Variants in STAT5B observed in about 807,000 individuals in gnomAD.
STAT5B encodes the protein signal transducer and activator of transcription 5B.
STAT5B carries 21 observed loss-of-function variants against 107.8 expected under a neutral mutation model. The observed-to-expected ratio is 0.19, with a 90% CI of 0.14 to 0.28. The LOEUF (loss-of-function observed/expected upper bound fraction) is 0.28. STAT5B is among the 10% of genes least tolerant of loss of function. The pLI is 1.00. For synonymous variants in STAT5B, 325 were observed against 401.7 expected (o/e 0.81, Z 2.28); for missense variants, 565 against 1,008.2 (o/e 0.56, Z 5.95).
intron 16 of STAT5B, among the ~76,000 whole-genome samples, chr17:42,205,650 C>T (rs2080078818): frequency 6.6e-6 from 1 of 152,324 alleles, no homozygotes; most frequent in South Asian, 2.1e-4. Flanking sequence ...TGGCTCATGC[C>T]TATAATCCCA....
intron 1 of STAT5B, among the ~76,000 whole-genome samples, chr17:42,275,926 T>C (rs1423569252): frequency 6.6e-6 from 1 of 151,988 alleles, no homozygotes; most frequent in Non-Finnish European, 1.5e-5. Flanking sequence ...CCTGAGCTCC[T>C]ATGGGGTCGG....
intron 16 of STAT5B, among the ~76,000 whole-genome samples, chr17:42,206,023 C>T (rs1440422326): frequency 3.9e-5 from 6 of 152,154 alleles, no homozygotes; most frequent in Non-Finnish European, 7.3e-5. Flanking sequence ...CTCTACCTTG[C>T]TTTATTTGTC....
intron 3 of STAT5B, among the ~76,000 whole-genome samples, chr17:42,226,458 T>C (rs905222887): frequency 6.6e-5 from 10 of 152,196 alleles, no homozygotes; most frequent in Middle Eastern, 6.8e-3. Context: ...CAATGCTAAA[T>C]TTAGTGAAGT....
intron 16 of STAT5B, among the ~76,000 whole-genome samples, chr17:42,204,889 C>T (rs1423568092): frequency 6.6e-6 from 1 of 152,164 alleles, no homozygotes; most frequent in Non-Finnish European, 1.5e-5. Context: ...GCTGGAATTA[C>T]AGGCATGAGC....
chr17:42,260,399 G>A (rs1373784592), intron 1 of STAT5B, among the ~76,000 whole-genome samples: 1 of 152,048 alleles, frequency 6.6e-6, no homozygotes, highest in Non-Finnish European at 1.5e-5. Flanking sequence ...GTGTTTTTGT[G>A]GGCTTTTGGG....
upstream of STAT5B, among the ~76,000 whole-genome samples, chr17:42,280,420 G>C (rs1194448443): frequency 6.6e-6 from 1 of 152,108 alleles, no homozygotes. Context: ...CAGAGATCAT[G>C]AGGCCATTTT....
chr17:42,249,384 CTCTA>C (rs1230836594), intron 1 of STAT5B, among the ~76,000 whole-genome samples: 39 of 151,244 alleles, frequency 2.6e-4, no homozygotes, highest in African/African-American at 9.1e-4. Context: ...CAGAGTGAGA[CTCTA>C]TCTCAAAAAA....
chr17:42,280,052 G>A (rs894983105), upstream of STAT5B, among the ~76,000 whole-genome samples: 4 of 152,002 alleles, frequency 2.6e-5, no homozygotes, highest in Admixed American at 1.3e-4. Context: ...TCTTCTTCTA[G>A]GCCTCGGGGA....
chr17:42,268,660 G>C (rs997824636), intron 1 of STAT5B: 4 of 152,076 alleles, frequency 2.6e-5, no homozygotes, highest in African/African-American at 9.7e-5. Flanking sequence ...TGAGATAGGA[G>C]TCCCACCTTC....
At chr17:42,256,971 A>C (rs1326776230) in intron 1 of STAT5B, among the ~76,000 whole-genome samples, 2 of 151,234 alleles carry the variant, frequency 1.3e-5, no homozygotes, top group Non-Finnish European at 2.9e-5. Context: ...TATCATAATT[A>C]TATATGCATA....
At chr17:42,256,943 A>T (rs1180748534) in intron 1 of STAT5B, among the ~76,000 whole-genome samples, 1 of 150,852 alleles carries the variant, frequency 6.6e-6, no homozygotes, top group African/African-American at 2.4e-5. Flanking sequence ...TACTGTGCCT[A>T]ATTTATAAAT....
At chr17:42,264,226 C>T (rs2080646616) in intron 1 of STAT5B, among the ~76,000 whole-genome samples, 1 of 151,188 alleles carries the variant, frequency 6.6e-6, no homozygotes, top group Non-Finnish European at 1.5e-5. Flanking sequence ...TATTATTATA[C>T]TTTAAGTTTT....
At chr17:42,265,349 A>G (rs2080658833) in intron 1 of STAT5B, among the ~76,000 whole-genome samples, 1 of 145,088 alleles carries the variant, frequency 6.9e-6, no homozygotes, top group East Asian at 2.0e-4. Context: ...TCTAAATGAA[A>G]CTGCTAAGTC....
chr17:42,264,478 A>T (rs1458675533), intron 1 of STAT5B, among the ~76,000 whole-genome samples: 1 of 150,836 alleles, frequency 6.6e-6, no homozygotes, highest in Non-Finnish European at 1.5e-5. Flanking sequence ...TGTTCTTGCG[A>T]TAGTTTACTG....
chr17:42,251,817 G>A (rs920515855), intron 1 of STAT5B, among the ~76,000 whole-genome samples: 1 of 151,830 alleles, frequency 6.6e-6, no homozygotes, highest in Non-Finnish European at 1.5e-5. Flanking sequence ...GGCCAGCATG[G>A]TGAAACCCCG....
At chr17:42,260,603 G>A (rs2080586440) in intron 1 of STAT5B, among the ~76,000 whole-genome samples, 1 of 151,744 alleles carries the variant, frequency 6.6e-6, no homozygotes, top group Non-Finnish European at 1.5e-5. Flanking sequence ...TTAGAGACTG[G>A]GTCTCACTAT....
chr17:42,207,180 T>C lies in STAT5B; in HGVS notation c.2077+378A>G, dbSNP rs561589614. Among the ~76,000 whole-genome samples the C allele has an allele frequency of 2.6e-5, 4 of 152,262 alleles. No homozygotes were observed. The South Asian group carries it at 8.3e-4, about 32-fold the overall frequency. ...GACCCACCGTACCCAGCCTGTTTTCTTTTTTATGCCTTTATGTGTCTTCTG... is the reference window on the plus strand; with the variant it reads ...GACCCACCGTACCCAGCCTGTTTTCCTTTTTATGCCTTTATGTGTCTTCTG... On this transcript the variant is annotated intron_variant, in intron 16 of 18. Transcript: ENST00000293328.
chr17:42,221,249 C>G (rs2080223856), intron 5 of STAT5B, among the ~76,000 whole-genome samples: 1 of 152,210 alleles, frequency 6.6e-6, no homozygotes, highest in African/African-American at 2.4e-5. Context: ...ACGGCTACCT[C>G]AGGAATCCTG....
At chr17:42,255,510 C>T (rs545392560) in intron 1 of STAT5B, among the ~76,000 whole-genome samples, 1 of 152,250 alleles carries the variant, frequency 6.6e-6, no homozygotes, top group Admixed American at 6.5e-5. Flanking sequence ...ACTGTGAAGT[C>T]TCCAACCAAA....
Sources: gnomAD v4.1 joint callset for allele counts (sites outside exome capture counted in the v4.1 genomes callset) on GRCh38, gnomAD v4.1.1 for gene constraint, MANE v1.5 for transcripts, NCBI Gene and HGNC (gene_info 2026-07-23, HGNC 2026-07-21) for gene names.